The following AP3D1 variants were observed in gnomAD, a reference collection of about 807,000 sequenced individuals.
The protein encoded by AP3D1 is AP-3 complex subunit delta-1.
Under a neutral mutation model 147.6 loss-of-function variants are expected in AP3D1, and 51 were observed. That is an observed-to-expected ratio of 0.35 (90% CI 0.28 to 0.44). The LOEUF (loss-of-function observed/expected upper bound fraction) is 0.44, where lower values mean the gene tolerates loss of function less well. Among genes scored for constraint, AP3D1 ranks in the 20% least tolerant of loss-of-function variants. AP3D1 has a pLI of 1.00. For synonymous variants in AP3D1, 760 were observed against 663.0 expected (o/e 1.15, Z -2.25); for missense variants, 1,421 against 1,624.2 (o/e 0.87, Z 2.15).
At position 2,145,974 on chromosome 19, in the gene AP3D1, G is replaced by A. The variant is rs563391715; in HGVS notation, c.96+5265C>T. Among the ~76,000 whole-genome samples the A allele has an allele frequency of 3.1e-3, 469 of 152,332 alleles. 2 individuals carry two copies. Among genetic ancestry groups the A allele is most frequent in the African/African-American group, 0.011 (439 of 41,572 alleles). ...AACACCCCAGCCCTGCTGGTGGTGC[G>A]GGAGGCGAGGCTGCGGCTTTCATGC... is the stretch of plus-strand genomic sequence containing the variant. On this transcript the variant is annotated intron_variant, in intron 1 of 31. Coordinates refer to ENST00000643116, the MANE Select transcript of AP3D1 (RefSeq NM_001261826.3).
rs375822563 is a variant in AP3D1, at chr19:2,121,264, G to A, written c.1149C>T (p.His383=). 54 of 1,614,086 alleles carry A rather than the reference G, an allele frequency of 3.3e-5. No homozygotes were observed. Among genetic ancestry groups the A allele is most frequent in the Admixed American group, 6.7e-5 (4 of 60,010 alleles). The part of the protein sequence containing the change: ...LMEIVKKLMT[H]VDKAEGTTYR... ...AGGTGGTACCCTCTGCCTTGTCTAC[G>A]TGGGTCATCAGCTTCTTCACGATCT... is the stretch of plus-strand genomic sequence containing the variant. The change falls in exon 13 of 32, where the codon CAC becomes CAT. Residue 383 remains histidine, a synonymous_variant. Transcript: ENST00000643116.
At chr19:2,157,722 C>T (rs1415638315) in intron 1 of AP3D1, among the ~76,000 whole-genome samples, 1 of 151,924 alleles carries the variant, frequency 6.6e-6, no homozygotes, top group Non-Finnish European at 1.5e-5. Flanking sequence ...TCAACCAACC[C>T]ACCCATCCAC....
In AP3D1 at chr19:2,121,057, T is replaced by A. The variant is rs781659076; in HGVS notation, c.1286A>T (p.Glu429Val). The change falls in exon 14 of 32, where the codon GAG becomes GTG. Residue 429 changes from glutamate to valine, a missense_variant. Around this residue, in one of 6 missense-constraint regions of AP3D1, gnomAD observed 310 missense variants for 388.1 expected, o/e 0.80. Coordinates refer to ENST00000643116, the MANE Select transcript of AP3D1 (RefSeq NM_001261826.3). ...ISILVELTRL[E>V]GTRHGHLIAA... Reference sequence around the variant, plus strand: ...GATGAGGTGGCCGTGCCGTGTGCCCTCCAGCCGGGTCAGCTCCACCAGGAT... The same window carrying A: ...GATGAGGTGGCCGTGCCGTGTGCCCACCAGCCGGGTCAGCTCCACCAGGAT... The A allele has an allele frequency of 6.2e-7, 1 of 1,613,322 alleles. No individual in the cohort carries two copies. Among genetic ancestry groups the A allele is most frequent in the South Asian group, 1.1e-5 (1 of 91,068 alleles).
intron 1 of AP3D1, among the ~76,000 whole-genome samples, chr19:2,161,681 GTTTA>G (rs902800967): frequency 3.9e-5 from 6 of 151,994 alleles, no homozygotes; most frequent in African/African-American, 1.4e-4. Flanking sequence ...GGGCATGATG[GTTTA>G]TGCCTGTAAT....
intron 1 of AP3D1, among the ~76,000 whole-genome samples, chr19:2,148,374 T>G (rs962263099): frequency 6.6e-6 from 1 of 152,150 alleles, no homozygotes; most frequent in Admixed American, 6.6e-5. Flanking sequence ...ACCCGATACG[T>G]TTACACGTAC....
intron 18 of AP3D1, 74 bp downstream of exon 18, chr19:2,116,133 C>CA: frequency 6.7e-7 from 1 of 1,485,600 alleles, no homozygotes; most frequent in Admixed American, 1.7e-5. Context: ...ACCCGAAACT[C>CA]AGATGGATGC....
chr19:2,106,329 ACC>A, intron 31 of AP3D1, among the ~76,000 whole-genome samples: 7 of 152,166 alleles, frequency 4.6e-5, no homozygotes, highest in Non-Finnish European at 1.0e-4. Context: ...CAGGCAGATC[ACC>A]CGGGGTCAGG....
At chr19:2,127,697 G>T (rs1357577435) in intron 8 of AP3D1, among the ~76,000 whole-genome samples, 1 of 152,166 alleles carries the variant, frequency 6.6e-6, no homozygotes, top group Non-Finnish European at 1.5e-5. Context: ...GCTAATTTTT[G>T]TATTTTTTAG....
chr19:2,103,879 C>A (rs1362351424), intron 31 of AP3D1, among the ~76,000 whole-genome samples: 1 of 152,140 alleles, frequency 6.6e-6, no homozygotes, highest in African/African-American at 2.4e-5. Context: ...TGCTAAGGCA[C>A]TAATGGCAAG....
upstream of AP3D1, among the ~76,000 whole-genome samples, chr19:2,153,006 T>G (rs2019589046): frequency 6.7e-6 from 1 of 149,464 alleles, no homozygotes; most frequent in Non-Finnish European, 1.5e-5. Flanking sequence ...AAGAATTGCT[T>G]GAGCCCAGGA....
intron 9 of AP3D1, among the ~76,000 whole-genome samples, chr19:2,124,693 C>T (rs1447690558): frequency 3.3e-5 from 5 of 152,186 alleles, no homozygotes; most frequent in Non-Finnish European, 5.9e-5. Flanking sequence ...GTAATCCCAG[C>T]GCTTTGGGAG....
chr19:2,133,746 C>T (rs977922491), intron 4 of AP3D1, among the ~76,000 whole-genome samples: 47 of 151,982 alleles, frequency 3.1e-4, no homozygotes, highest in African/African-American at 1.1e-3. Flanking sequence ...TCATGATCCG[C>T]CCGCCATGGC....
intron 21 of AP3D1, 126 bp downstream of exon 21, chr19:2,114,622 G>GGCCCCC: frequency 1.5e-6 from 1 of 665,750 alleles, no homozygotes; most frequent in Non-Finnish European, 2.7e-6. Context: ...TCTGGGGAAG[G>GGCCCCC]CCCGCCCGCA....
intron 4 of AP3D1, among the ~76,000 whole-genome samples, chr19:2,133,937 G>C (rs1466653844): frequency 6.6e-6 from 1 of 151,804 alleles, no homozygotes; most frequent in Non-Finnish European, 1.5e-5. Flanking sequence ...GTGAAACCCT[G>C]TCTCTCCTAA....
intron 20 of AP3D1, 44 bp downstream of exon 20, chr19:2,115,175 G>A (rs764719898): frequency 3.7e-5 from 58 of 1,578,236 alleles, no homozygotes; most frequent in East Asian, 6.7e-5. Flanking sequence ...ACACACATGC[G>A]GAAAGATAGA....
At chr19:2,109,288 A>C (rs931063432) in intron 29 of AP3D1, 81 bp from the exon 30 acceptor site, 2 of 1,488,024 alleles carry the variant, frequency 1.3e-6, no homozygotes, top group African/African-American at 2.8e-5. Context: ...AAAACCTGCC[A>C]CACACGCTGC....
rs1330465777 is a variant in AP3D1 at position 2,130,400 on chromosome 19, C to A, written c.592+8G>T. On this transcript the variant is annotated splice_region_variant and intron_variant, in intron 6 of 31. Coordinates refer to ENST00000643116, the MANE Select transcript of AP3D1 (RefSeq NM_001261826.3). ...CTCAACCCTGAGGCTTAACTCAAAT[C>A]CACAAACCGGGGTCGGGGTCCTCCA... is the stretch of plus-strand genomic sequence containing the variant. The A allele has an allele frequency of 1.2e-6, 2 of 1,613,714 alleles. No individual in the cohort carries two copies. The highest frequency in any genetic ancestry group is 1.7e-6 in the Non-Finnish European group (2 of 1,179,978).
chr19:2,153,218 T>TA (rs1233649667), upstream of AP3D1, among the ~76,000 whole-genome samples: 2 of 129,680 alleles, frequency 1.5e-5, no homozygotes, highest in Admixed American at 1.6e-4. Flanking sequence ...TACTAAAAAT[T>TA]AAAAAATTAG....
At chr19:2,128,158 C>T (rs763205129) in intron 8 of AP3D1, among the ~76,000 whole-genome samples, 7 of 152,120 alleles carry the variant, frequency 4.6e-5, no homozygotes, top group Non-Finnish European at 5.9e-5. Context: ...GGTCCTGGCT[C>T]CGCCTCAGCA....
Sources: gnomAD v4.1 joint callset for allele counts (sites outside exome capture counted in the v4.1 genomes callset) on GRCh38, gnomAD v4.1.1 for gene constraint, gnomAD v4.1.1 regional missense constraint, MANE v1.5 for transcripts, NCBI Gene and HGNC (gene_info 2026-07-23, HGNC 2026-07-21) for gene names.